Variants in ATP11A observed in about 807,000 individuals in gnomAD.
ATP11A encodes the protein phospholipid-transporting ATPase IH.
Under a neutral mutation model 154.4 loss-of-function variants are expected in ATP11A, and 81 were observed. The ratio of observed to expected loss-of-function variants is 0.52; its 90% CI spans 0.44 to 0.63. The LOEUF is 0.63. Ranked by LOEUF, ATP11A falls within the 30% of genes least tolerant of loss-of-function variation. The pLI, the probability that ATP11A is intolerant of heterozygous loss-of-function variation, is 0.00. For synonymous variants in ATP11A, 623 were observed against 585.9 expected, an observed-to-expected ratio of 1.06 and a Z score of -0.91; for missense variants, 1,316 against 1,474.3, an observed-to-expected ratio of 0.89 and a Z score of 1.76.
intron 13 of ATP11A, among the ~76,000 whole-genome samples, chr13:112,832,626 C>G (rs566689536): frequency 3.3e-5 from 5 of 152,196 alleles, no homozygotes; most frequent in African/African-American, 1.2e-4. Flanking sequence ...CGGTGCTGAA[C>G]GCACGCCCGT....
chr13:112,789,575 C>T (rs911563352), intron 2 of ATP11A, among the ~76,000 whole-genome samples: 7 of 149,312 alleles, frequency 4.7e-5, no homozygotes, highest in African/African-American at 1.0e-4. Context: ...CTACTTAATT[C>T]ACACCGGTGT....
rs1377326562 is a variant in ATP11A, at chr13:112,884,120, A to T, written c.*2254A>T. ...TTTTGACTGAATGTTCCAATCTCTGATGAATGCGAATTTTCAGATTTGATT... is the reference window on the plus strand; with the variant it reads ...TTTTGACTGAATGTTCCAATCTCTGTTGAATGCGAATTTTCAGATTTGATT... On this transcript the variant is annotated 3_prime_UTR_variant, in exon 30 of 30. Transcript: ENST00000375645. 6.6e-6 allele frequency: 1 copy of T among 152,502 alleles called. No individual in the cohort carries two copies. Among genetic ancestry groups the T allele is most frequent in the East Asian group, 1.9e-4 (1 of 5,204 alleles). 9.4% of individuals were successfully genotyped at this position (152,502 alleles called of 1,614,324 possible).
chr13:112,714,248 A>G (rs1052659047), intron 1 of ATP11A, among the ~76,000 whole-genome samples: 7 of 150,244 alleles, frequency 4.7e-5, no homozygotes, highest in Admixed American at 6.6e-5. Context: ...TTCCTTCCCA[A>G]TTAGCACCGA....
chr13:112,753,134 TTCTC>T lies in ATP11A; in HGVS notation c.40-31997_40-31994del, dbSNP rs1463170838. Among the ~76,000 whole-genome samples the T allele has an allele frequency of 6.6e-6, 1 of 152,166 alleles. No homozygotes were observed. The highest frequency in any genetic ancestry group is 2.4e-5 in the African/African-American group (1 of 41,424). ...TACAGTTACCCCGGCCCAGACTTTT[TTCTC>T]TCTGTCCCTCCGTCCCTTTGTACCT... On this transcript the variant is annotated intron_variant, in intron 1 of 29. Coordinates refer to ENST00000375645, the MANE Select transcript of ATP11A (RefSeq NM_015205.3). The surrounding 1 kb of genome is among the most constrained non-coding windows in gnomAD (Gnocchi z 4.1).
In ATP11A at chr13:112,864,755, C is replaced by T. The variant is rs554657803; in HGVS notation, c.2991+2180C>T. Among the ~76,000 whole-genome samples the T allele has an allele frequency of 4.1e-4, 29 of 70,204 alleles. 3 individuals carry two copies. Among genetic ancestry groups the T allele is most frequent in the Admixed American group, 2.2e-3 (14 of 6,462 alleles). The allele number at this position is 70,204 out of a possible 152,430, so 46.1% of individuals were successfully genotyped here. A position where few individuals can be genotyped will look rare whatever the true frequency, so the allele number is the denominator to read the frequency against. Reference sequence around the variant, plus strand: ...AGCTTCCCAGCGGGGTCCATCACCACCTGCACAGTAATTCAGTGCGGCCCA... The same window carrying T: ...AGCTTCCCAGCGGGGTCCATCACCATCTGCACAGTAATTCAGTGCGGCCCA... On this transcript the variant is annotated intron_variant, in intron 25 of 29. Transcript: ENST00000375645.
rs1020755111 is a variant in ATP11A, at chr13:112,821,601, G to A, written c.725+1651G>A. On this transcript the variant is annotated intron_variant, in intron 8 of 29. Transcript: ENST00000375645. ...ATTGGGATTATAGGCATGAGCCACCGCGCCTGGCCTAGTTTCACTTTTAAA... is the reference window on the plus strand; with the variant it reads ...ATTGGGATTATAGGCATGAGCCACCACGCCTGGCCTAGTTTCACTTTTAAA... Among the ~76,000 whole-genome samples the A allele has an allele frequency of 4.6e-5, 7 of 152,136 alleles. No individual in the cohort carries two copies. The South Asian group carries it at 6.2e-4, about 14-fold the overall frequency.
At chr13:112,707,388 C>T (rs1233567510) in intron 1 of ATP11A, among the ~76,000 whole-genome samples, 2 of 147,974 alleles carry the variant, frequency 1.4e-5, no homozygotes, top group African/African-American at 5.0e-5. Flanking sequence ...GCACTCCAGC[C>T]TGGGCAATAA....
At chr13:112,858,084 C>A (rs1342510909) in intron 21 of ATP11A, 61 bp from the exon 22 acceptor site, 2 of 1,594,866 alleles carry the variant, frequency 1.3e-6, no homozygotes, top group Non-Finnish European at 1.7e-6. Flanking sequence ...TTCTCCCCGT[C>A]CCTGCCCTGT....
intron 1 of ATP11A, among the ~76,000 whole-genome samples, chr13:112,774,096 A>G (rs1019763862): frequency 6.6e-6 from 1 of 152,222 alleles, no homozygotes; most frequent in Non-Finnish European, 1.5e-5. Context: ...GAACCTGGCT[A>G]AGCATTGCGG....
intron 16 of ATP11A, among the ~76,000 whole-genome samples, chr13:112,840,809 C>T (rs2079391785): frequency 6.6e-6 from 1 of 152,048 alleles, no homozygotes; most frequent in African/African-American, 2.4e-5. Context: ...GAGTCCTCGT[C>T]CAAGCTCCAG....
chr13:112,876,083 C>A, intron 28 of ATP11A, 142 bp downstream of exon 28: 2 of 884,010 alleles, frequency 2.3e-6, no homozygotes, highest in Non-Finnish European at 3.2e-6. Context: ...AGTGTCCTGA[C>A]GGTGCATGAT....
intron 1 of ATP11A, among the ~76,000 whole-genome samples, chr13:112,707,415 CA>C (rs35020608): frequency 0.3 from 23,807 of 80,636 alleles, 1,799 homozygotes; most frequent in East Asian, 0.33. Flanking sequence ...AATTCTGTCT[CA>C]AAAAAAAAAA....
intron 1 of ATP11A, among the ~76,000 whole-genome samples, chr13:112,735,728 C>A (rs1415621427): frequency 6.6e-6 from 1 of 152,216 alleles, no homozygotes. Flanking sequence ...AGAACCTTGA[C>A]AGAGGCATTA....
At chr13:112,825,631 A>G in intron 11 of ATP11A, 51 bp downstream of exon 11, 1 of 1,529,910 alleles carries the variant, frequency 6.5e-7, no homozygotes, top group South Asian at 1.3e-5. Flanking sequence ...GTGGGCCATT[A>G]TTACGAAAAT....
intron 17 of ATP11A, among the ~76,000 whole-genome samples, chr13:112,849,531 T>C (rs976471614): frequency 3.3e-5 from 5 of 152,268 alleles, no homozygotes; most frequent in African/African-American, 9.6e-5. Context: ...TTTCTTGTTA[T>C]GTAATTTTTC....
intron 13 of ATP11A, 35 bp from the exon 14 acceptor site, chr13:112,832,825 G>A (rs375307578): frequency 2.6e-5 from 41 of 1,599,388 alleles, no homozygotes; most frequent in Admixed American, 3.4e-5. Context: ...TGGACGCACC[G>A]TGATTTGGGG....
chr13:112,712,293 C>T (rs1204124192), intron 1 of ATP11A, among the ~76,000 whole-genome samples: 1 of 152,178 alleles, frequency 6.6e-6, no homozygotes, highest in Non-Finnish European at 1.5e-5. Flanking sequence ...GCCCCGCATA[C>T]AAAACGCTCC....
intron 2 of ATP11A, among the ~76,000 whole-genome samples, chr13:112,793,010 A>G (rs1426404677): frequency 6.6e-6 from 1 of 152,194 alleles, no homozygotes; most frequent in Non-Finnish European, 1.5e-5. Context: ...TTCTATTTGT[A>G]TAAATGATTT....
At chr13:112,780,402 T>TTTTCTGGGCA (rs1301110769) in intron 1 of ATP11A, among the ~76,000 whole-genome samples, 5 of 151,380 alleles carry the variant, frequency 3.3e-5, no homozygotes, top group Non-Finnish European at 1.5e-5. Context: ...TGCGTTCGCC[T>TTTTCTGGGCA]TTTCTGGGCA....
Sources: allele counts gnomAD v4.1 joint callset (sites outside exome capture counted in the v4.1 genomes callset), GRCh38; gene constraint gnomAD v4.1.1; non-coding constraint Gnocchi (gnomAD v3.1); transcripts MANE v1.5; gene names NCBI Gene and HGNC (gene_info 2026-07-23, HGNC 2026-07-21).